Variants in ALKBH5 observed in about 807,000 individuals in gnomAD.
The protein encoded by ALKBH5 is alkB homolog 5, RNA demethylase, also known as RNA demethylase ALKBH5.
ALKBH5 carries 2 observed loss-of-function variants against 32.1 expected under a neutral mutation model. The ratio of observed to expected loss-of-function variants is 0.06; its 90% CI spans 0.03 to 0.20. The LOEUF is 0.20. ALKBH5 is among the 10% of genes least tolerant of loss of function. The pLI is 1.00. For missense variants in ALKBH5, 352 were observed against 559.5 expected (o/e 0.63, Z 3.74); for synonymous variants, 300 against 231.7 (o/e 1.29, Z -2.68).
intron 2 of ALKBH5, among the ~76,000 whole-genome samples, chr17:18,202,248 C>T (rs2047246167): frequency 6.6e-6 from 1 of 151,964 alleles, no homozygotes; most frequent in African/African-American, 2.4e-5. Context: ...GCGGAGGTTG[C>T]AGTGAGCCGA....
intron 2 of ALKBH5, among the ~76,000 whole-genome samples, chr17:18,195,773 G>A (rs73288251): frequency 0.026 from 3,977 of 152,218 alleles, 191 homozygotes; most frequent in African/African-American, 0.09. Context: ...CAGTAGCTGG[G>A]AATAGAGGCA....
intron 2 of ALKBH5, among the ~76,000 whole-genome samples, chr17:18,204,020 C>T (rs1424424919): frequency 6.6e-6 from 1 of 152,158 alleles, no homozygotes; most frequent in Non-Finnish European, 1.5e-5. Context: ...AGAGTCTTAG[C>T]TTTATGGGTA....
At chr17:18,206,513 C>T (rs973012724) in intron 2 of ALKBH5, 1 of 252,502 alleles carries the variant, frequency 4.0e-6, no homozygotes, top group African/African-American at 2.2e-5. Flanking sequence ...TGAGGTGAGG[C>T]TGCTTGGTTC....
chr17:18,191,940 CTCTG>C (rs2047177393), intron 1 of ALKBH5, among the ~76,000 whole-genome samples: 1 of 119,892 alleles, frequency 8.3e-6, no homozygotes, highest in African/African-American at 3.3e-5. Context: ...CAGAGTGAGA[CTCTG>C]TCTTTAAAAA....
chr17:18,204,955 C>T (rs2047261118), intron 2 of ALKBH5, among the ~76,000 whole-genome samples: 1 of 151,790 alleles, frequency 6.6e-6, no homozygotes, highest in Non-Finnish European at 1.5e-5. Flanking sequence ...GAGGCTTGGG[C>T]AGGAGGATCC....
chr17:18,209,699 C>T lies in ALKBH5; in HGVS notation c.*1303C>T, dbSNP rs905167005. On this transcript the variant is annotated 3_prime_UTR_variant, in exon 4 of 4. Coordinates refer to ENST00000399138, the MANE Select transcript of ALKBH5 (RefSeq NM_017758.4). ...AACCAGGATACCACCACTTTGGGGG[C>T]TTTGTGTACAGAGGTCCGGGTCTGA... The T allele has an allele frequency of 6.6e-6, 1 of 152,460 alleles. No homozygotes were observed. The highest frequency in any genetic ancestry group is 2.4e-5 in the African/African-American group (1 of 41,554). 9.4% of individuals were successfully genotyped at this position (152,460 alleles called of 1,614,324 possible). A position where few individuals can be genotyped will look rare whatever the true frequency, so the allele number is the denominator to read the frequency against.
In ALKBH5 at chr17:18,208,644, G is replaced by A; in HGVS notation, c.*248G>A. The A allele has an allele frequency of 1.6e-6, 1 of 611,634 alleles. No homozygotes were observed. Among genetic ancestry groups the A allele is most frequent in the Non-Finnish European group, 2.9e-6 (1 of 339,694 alleles). The allele number at this position is 611,634 out of a possible 1,614,324, so 37.9% of individuals were successfully genotyped here. On this transcript the variant is annotated 3_prime_UTR_variant, in exon 4 of 4. Transcript: ENST00000399138. Reference sequence around the variant, plus strand: ...AGGCTGTTGGCATCAATAGGGGACAGAGGCTGATGCTGGAGTGGCCAGTAG... The same window carrying A: ...AGGCTGTTGGCATCAATAGGGGACAAAGGCTGATGCTGGAGTGGCCAGTAG...
At chr17:18,201,509 G>C (rs911458396) in intron 2 of ALKBH5, among the ~76,000 whole-genome samples, 1 of 152,108 alleles carries the variant, frequency 6.6e-6, no homozygotes. Flanking sequence ...TGTAATCCCA[G>C]CACTTTGGGA....
At chr17:18,191,149 A>G (rs893796967) in intron 1 of ALKBH5, among the ~76,000 whole-genome samples, 2 of 152,216 alleles carry the variant, frequency 1.3e-5, no homozygotes, top group African/African-American at 4.8e-5. Context: ...ATTTTGTAGC[A>G]AGTAGGTTCC....
At chr17:18,198,871 G>C (rs2047219749) in intron 2 of ALKBH5, among the ~76,000 whole-genome samples, 1 of 152,150 alleles carries the variant, frequency 6.6e-6, no homozygotes, top group Non-Finnish European at 1.5e-5. Context: ...CCCCAGAGTG[G>C]AATCCTCAGA....
At chr17:18,189,737 C>T (rs2047162418) in intron 1 of ALKBH5, among the ~76,000 whole-genome samples, 1 of 152,194 alleles carries the variant, frequency 6.6e-6, no homozygotes. Flanking sequence ...TCTAATGATG[C>T]TATAGAGTTG....
At chr17:18,197,811 A>G (rs2142480710) in intron 2 of ALKBH5, among the ~76,000 whole-genome samples, 1 of 152,338 alleles carries the variant, frequency 6.6e-6, no homozygotes, top group South Asian at 2.1e-4. Context: ...CAGTGGGCCC[A>G]GGAACCATTC....
Position 18,208,617 on chromosome 17 carries a change from A to G in ALKBH5, c.*221A>G. 1 of 661,226 alleles carries G rather than the reference A, an allele frequency of 1.5e-6. No homozygotes were observed. Among genetic ancestry groups the G allele is most frequent in the South Asian group, 1.6e-5 (1 of 62,670 alleles). 41.0% of individuals were successfully genotyped at this position (661,226 alleles called of 1,614,324 possible). On this transcript the variant is annotated 3_prime_UTR_variant, in exon 4 of 4. Coordinates refer to ENST00000399138, the MANE Select transcript of ALKBH5 (RefSeq NM_017758.4). The stretch of plus-strand genomic sequence containing the variant: ...TATTCTTGGTATTCCTCCTGGATGG[A>G]AAGGCTGTTGGCATCAATAGGGGAC...
rs777881500 is a variant in ALKBH5, at chr17:18,206,907, A to T, written c.944A>T (p.Asn315Ile). 6.2e-7 allele frequency: 1 copy of T among 1,614,274 alleles called. No individual in the cohort carries two copies. The highest frequency in any genetic ancestry group is 8.5e-7 in the Non-Finnish European group (1 of 1,180,054). The stretch of plus-strand genomic sequence containing the variant: ...GCTTCAGATCGCCTGTCAGGAAACA[A>T]CAGGGACCCTGCTCTGAAACCCAAG... ...SYASDRLSGN[N>I]RDPALKPKRS... is the part of the protein sequence containing the mutation. The change falls in exon 3 of 4, where the codon AAC (asparagine) becomes ATC (isoleucine). Residue 315 changes from asparagine (N) to isoleucine (I), a missense_variant. This residue lies in a region of ALKBH5 where 124 missense variants were observed against 142.4 expected (regional missense o/e 0.87). Transcript: ENST00000399138.
At chr17:18,192,731 A>G (rs1175493099) in intron 1 of ALKBH5, among the ~76,000 whole-genome samples, 1 of 152,242 alleles carries the variant, frequency 6.6e-6, no homozygotes, top group Non-Finnish European at 1.5e-5. Context: ...GTAAGTGCTC[A>G]AAGTCAGTGG....
intron 1 of ALKBH5, among the ~76,000 whole-genome samples, chr17:18,189,418 G>A (rs1006517229): frequency 3.9e-5 from 6 of 152,188 alleles, no homozygotes; most frequent in Non-Finnish European, 8.8e-5. Context: ...ATTCAGAGCT[G>A]GCTGGCCAGT....
At chr17:18,188,440 T>C (rs1016657747) in intron 1 of ALKBH5, among the ~76,000 whole-genome samples, 4 of 152,282 alleles carry the variant, frequency 2.6e-5, no homozygotes, top group Non-Finnish European at 5.9e-5. Flanking sequence ...TTGGGTGGAG[T>C]GGGCACCCCT....
intron 2 of ALKBH5, among the ~76,000 whole-genome samples, chr17:18,200,794 A>G (rs2047232047): frequency 6.6e-6 from 1 of 152,236 alleles, no homozygotes; most frequent in East Asian, 1.9e-4. Context: ...TGCTCTTTAC[A>G]GAGGCTTGGA....
At chr17:18,191,176 C>A (rs192933354) in intron 1 of ALKBH5, among the ~76,000 whole-genome samples, 1 of 152,338 alleles carries the variant, frequency 6.6e-6, no homozygotes, top group East Asian at 1.9e-4. Context: ...GTAAATAATA[C>A]CCTGTGGTCT....
Sources: gnomAD v4.1 joint callset for allele counts (sites outside exome capture counted in the v4.1 genomes callset) on GRCh38, gnomAD v4.1.1 for gene constraint, gnomAD v4.1.1 regional missense constraint, MANE v1.5 for transcripts, NCBI Gene and HGNC (gene_info 2026-07-23, HGNC 2026-07-21) for gene names.